Variants in KRTAP5-5 observed in about 807,000 individuals in gnomAD.
KRTAP5-5 encodes the protein keratin-associated protein 5-5.
In KRTAP5-5, 1 loss-of-function variant was observed where a neutral mutation model predicts 2.8. The ratio of observed to expected loss-of-function variants is 0.35; its 90% CI spans 0.13 to 1.67. KRTAP5-5 has a LOEUF of 1.67. Among genes scored for constraint, KRTAP5-5 ranks in the 40% most tolerant of loss-of-function variants. The pLI is 0.35. For missense variants in KRTAP5-5, 134 were observed against 270.9 expected, an observed-to-expected ratio of 0.49 and a Z score of 3.55; for synonymous variants, 83 against 110.6, an observed-to-expected ratio of 0.75 and a Z score of 1.57.
exon 1 of KRTAP5-5, chr11:1,629,978 G>T: frequency 1.7e-6 from 1 of 600,296 alleles, no homozygotes; most frequent in Non-Finnish European, 2.3e-6. Flanking sequence ...GAGGCTGTGG[G>T]GGCTGTGGCT....
In KRTAP5-5 at chr11:1,630,062, C is replaced by T. The variant is rs774096353; in HGVS notation, c.222C>T (p.Cys74=). Residue 74 remains cysteine (C), a synonymous_variant, in exon 1 of 1, where the codon TGC becomes TGT. Coordinates refer to ENST00000399676, the Ensembl canonical transcript of KRTAP5-5. The stretch of plus-strand genomic sequence containing the variant: ...TCTGCTGCTGCAAGCCCATGTGCTG[C>T]TGTGTGCCAGCTTGTTCCTGCTCCA... 15 of 1,611,518 alleles carry T rather than the reference C, an allele frequency of 9.3e-6. No individual in the cohort carries two copies. The Admixed American group carries it at 1.0e-4, about 11-fold the overall frequency.
At chr11:1,630,304 C>G (rs1849740066) in exon 1 of KRTAP5-5, 1 of 1,612,138 alleles carries the variant, frequency 6.2e-7, no homozygotes, top group Non-Finnish European at 8.5e-7. Context: ...TATGGCTGCT[C>G]CCAGTCCAGC....
At chr11:1,630,740 C>G, downstream of KRTAP5-5, 1 of 769,312 alleles carries the variant, frequency 1.3e-6, no homozygotes, top group East Asian at 2.7e-5. Flanking sequence ...TTCTCCTGAA[C>G]TTCCTCTCCC....
At chr11:1,630,310 C>G (rs61867581) in exon 1 of KRTAP5-5, 327,519 of 764,208 alleles carry the variant, frequency 0.43, 95,429 homozygotes, top group African/African-American at 0.58. Flanking sequence ...TGCTCCCAGT[C>G]CAGCTGCTGC....
At chr11:1,630,576 G>A (rs1411696773) in exon 1 of KRTAP5-5, 1 of 1,613,950 alleles carries the variant, frequency 6.2e-7, no homozygotes, top group Non-Finnish European at 8.5e-7. Context: ...CAGACTGCAG[G>A]TGGCCTGACT....
exon 1 of KRTAP5-5, chr11:1,630,005 T>G (rs767012371): frequency 1.3e-6 from 2 of 1,588,708 alleles, no homozygotes; most frequent in Non-Finnish European, 1.7e-6. Flanking sequence ...GTGCGGGCTG[T>G]GGGGGATGTG....
exon 1 of KRTAP5-5, chr11:1,630,413 C>CTGCTGCCAGTCCAGCTGCTGTAAGCCT (rs763382896): frequency 2.2e-6 from 1 of 460,140 alleles, no homozygotes; most frequent in Non-Finnish European, 3.1e-6. Flanking sequence ...GCTGTAAGCC[C>CTGCTGCCAGTCCAGCTGCTGTAAGCCT]TACTGCTGCC....
chr11:1,629,854 G>C (rs757779925), exon 1 of KRTAP5-5: 55 of 1,403,752 alleles, frequency 3.9e-5, no homozygotes, highest in Non-Finnish European at 5.1e-5. Context: ...GGCTGCTGTG[G>C]CTGCTCCGGA....
exon 1 of KRTAP5-5, chr11:1,630,542 G>A (rs1345896984): frequency 6.2e-7 from 1 of 1,613,996 alleles, no homozygotes; most frequent in South Asian, 1.1e-5. Context: ...TGTGCTGCCA[G>A]TGTAAGATCT....
chr11:1,630,463 G>A, exon 1 of KRTAP5-5: 3 of 1,608,394 alleles, frequency 1.9e-6, no homozygotes, highest in Non-Finnish European at 2.5e-6. Flanking sequence ...TTCTCAGGCT[G>A]TGGATCATCC....
In KRTAP5-5 at chr11:1,630,667, A is replaced by C. The variant is rs1340606178; in HGVS notation, c.*113A>C. ...TCTCCACTGTGTCCTCACTGGCTTC[A>C]TCCACTCCACACCAGTGCTCCCGAA... On this transcript the variant is annotated 3_prime_UTR_variant, in exon 1 of 1. Coordinates refer to ENST00000399676, the Ensembl canonical transcript of KRTAP5-5. 2.2e-5 allele frequency: 31 copies of C among 1,409,652 alleles called. No homozygotes were observed. The East Asian group carries it at 6.6e-4, about 30-fold the overall frequency. The allele number at this position is 1,409,652 out of a possible 1,614,324, so 87.3% of individuals were successfully genotyped here.
Position 1,630,255 on chromosome 11 carries a change from TGTGGCTCCTGTGGGGGGTCCAAG to T in KRTAP5-5, c.417_439del (p.Cys139TrpfsTer34). On this transcript the variant is annotated frameshift_variant, in exon 1 of 1. Transcript: ENST00000399676. LOFTEE classifies it low-confidence loss of function (END_TRUNC). ...CTCCTGTGGGGGGTCCAAGGGGGGCTGTGGCTCCTGTGGGGGGTCCAAGGGGGGCTGTGGTTCTTATGGCTGCT... is the reference window on the plus strand; with the variant it reads ...CTCCTGTGGGGGGTCCAAGGGGGGCTGGGGGCTGTGGTTCTTATGGCTGCT... The T allele has an allele frequency of 9.3e-7, 1 of 1,076,462 alleles. No homozygotes were observed. Among genetic ancestry groups the T allele is most frequent in the Non-Finnish European group, 1.3e-6 (1 of 793,296 alleles). The allele number at this position is 1,076,462 out of a possible 1,614,324, so 66.7% of individuals were successfully genotyped here. A position where few individuals can be genotyped will look rare whatever the true frequency, so the allele number is the denominator to read the frequency against.
chr11:1,629,780 C>G, exon 1 of KRTAP5-5: 1 of 1,610,772 alleles, frequency 6.2e-7, no homozygotes, highest in Non-Finnish European at 8.5e-7. Context: ...CAGGGGGCTC[C>G]ACACCTGCAC....
chr11:1,630,853 G>T, downstream of KRTAP5-5: 1 of 570,958 alleles, frequency 1.8e-6, no homozygotes, highest in Non-Finnish European at 3.2e-6. Flanking sequence ...GAGTGTGATC[G>T]ACCCTCAATC....
exon 1 of KRTAP5-5, chr11:1,630,207 G>T (rs534780728): frequency 1.1e-5 from 8 of 745,756 alleles, no homozygotes; most frequent in Non-Finnish European, 1.7e-5. Context: ...TGGCTCCTGT[G>T]GGGGGTCCAA....
At position 1,630,539 on chromosome 11, in the gene KRTAP5-5, C is replaced by T. The variant is rs1317496699; in HGVS notation, c.699C>T (p.Cys233=). Reference sequence around the variant, plus strand: ...CCAGCTGCTGTGTCCCCGTGTGCTGCCAGTGTAAGATCTGAGGCTCTGACT... The same window carrying T: ...CCAGCTGCTGTGTCCCCGTGTGCTGTCAGTGTAAGATCTGAGGCTCTGACT... Residue 233 remains cysteine (C), a synonymous_variant, in exon 1 of 1, where the codon TGC becomes TGT. Transcript: ENST00000399676. The T allele has an allele frequency of 6.8e-6, 11 of 1,614,102 alleles. No homozygotes were observed. In the Admixed American group the frequency reaches 1.7e-4, roughly 24 times the overall value.
chr11:1,630,672 C>G (rs747245621), exon 1 of KRTAP5-5: 6 of 1,376,778 alleles, frequency 4.4e-6, no homozygotes, highest in Non-Finnish European at 6.1e-6. Flanking sequence ...GCTTCATCCA[C>G]TCCACACCAG....
chr11:1,630,846 T>G, downstream of KRTAP5-5: 1 of 575,860 alleles, frequency 1.7e-6, no homozygotes. Context: ...CTTTCAGGAG[T>G]GTGATCGACC....
exon 1 of KRTAP5-5, chr11:1,629,939 T>G (rs71454095): frequency 7.6e-7 from 1 of 1,318,186 alleles, no homozygotes; most frequent in Non-Finnish European, 1.0e-6. Context: ...GCTGTGGCTC[T>G]GGCTGTGGGG....
Sources: gnomAD v4.1 joint callset for allele counts on GRCh38, gnomAD v4.1.1 for gene constraint, MANE v1.5 for transcripts, NCBI Gene and HGNC (gene_info 2026-07-23, HGNC 2026-07-21) for gene names.